ADAMTSL1: variants seen among roughly 807,000 people sequenced by gnomAD.
ADAMTSL1 encodes ADAMTS-like protein 1.
A neutral mutation model predicts 201.8 loss-of-function variants in ADAMTSL1; 126 were observed. The ratio of observed to expected loss-of-function variants is 0.62; its 90% CI spans 0.54 to 0.72. The LOEUF (loss-of-function observed/expected upper bound fraction) is 0.72. ADAMTSL1 is among the 30% of genes least tolerant of loss of function. The pLI is 0.00. For missense variants in ADAMTSL1, 2,679 were observed against 2,277.8 expected (o/e 1.18, Z -3.59); for synonymous variants, 1,121 against 903.4 (o/e 1.24, Z -4.32).
In ADAMTSL1 at chr9:17,953,459, C is replaced by T. The variant is rs1335800981; in HGVS notation, c.87+46537C>T. Among the ~76,000 whole-genome samples the T allele has an allele frequency of 5.3e-5, 8 of 152,264 alleles. No homozygotes were observed. In the East Asian group the frequency reaches 1.2e-3, roughly 22 times the overall value. ...CAAAGTGCTTTTGACCCAGAAATTTCATTTGTGGTAATTTGTCCTACAGAT... is the reference window on the plus strand; with the variant it reads ...CAAAGTGCTTTTGACCCAGAAATTTTATTTGTGGTAATTTGTCCTACAGAT... On this transcript the variant is annotated intron_variant, in intron 1 of 29. Transcript: ENST00000680146.
intron 1 of ADAMTSL1, among the ~76,000 whole-genome samples, chr9:17,927,439 C>T (rs1034150810): frequency 4.6e-5 from 7 of 151,562 alleles, no homozygotes; most frequent in African/African-American, 1.5e-4. Flanking sequence ...CATATATGTA[C>T]ATATATACAT....
rs1158026987 is a variant in ADAMTSL1 at position 18,753,338 on chromosome 9, G to T, written c.2047G>T (p.Gly683Trp). 1 of 1,612,462 alleles carries T rather than the reference G, an allele frequency of 6.2e-7. No individual in the cohort carries two copies. Among genetic ancestry groups the T allele is most frequent in the Non-Finnish European group, 8.5e-7 (1 of 1,179,378 alleles). The stretch of plus-strand genomic sequence containing the variant: ...GTGGAGTCCATGTAGTCTCACATGT[G>T]GGGTCGGCCTACAGACCAGAGACGT... ...GKWSPCSLTC[G>W]VGLQTRDVFC... The change falls in exon 16 of 29, where the codon GGG becomes TGG. Residue 683 changes from glycine to tryptophan, a missense_variant. Gly to Trp is a radical substitution (Grantham distance 184). Coordinates refer to ENST00000380548, the MANE Select transcript of ADAMTSL1 (RefSeq NM_001040272.6).
chr9:18,865,653 A>G (rs946718498), intron 23 of ADAMTSL1, among the ~76,000 whole-genome samples: 2 of 152,226 alleles, frequency 1.3e-5, no homozygotes, highest in Admixed American at 1.3e-4. Context: ...ACATATGTGA[A>G]TCACACCTGG....
At chr9:18,458,919 C>T (rs1820707753) in intron 2 of ADAMTSL1, among the ~76,000 whole-genome samples, 1 of 152,094 alleles carries the variant, frequency 6.6e-6, no homozygotes, top group African/African-American at 2.4e-5. Flanking sequence ...AGTCCTGTTC[C>T]CTTATCAACA....
rs147778017 is a variant in ADAMTSL1 at position 18,850,459 on chromosome 9, G to A, written c.4249+20482G>A. Among the ~76,000 whole-genome samples, 881 of 152,342 alleles carry A rather than the reference G, an allele frequency of 5.8e-3. 9 individuals are homozygous for A. The highest frequency in any genetic ancestry group is 0.02 in the African/African-American group (849 of 41,582). ...ACAGCACTATCAGAGCCCAGAGGCTGACTGTAGAAGAGAGGGCAGGATTAT... is the reference window on the plus strand; with the variant it reads ...ACAGCACTATCAGAGCCCAGAGGCTAACTGTAGAAGAGAGGGCAGGATTAT... On this transcript the variant is annotated intron_variant, in intron 23 of 28. Transcript: ENST00000380548.
intron 10 of ADAMTSL1, among the ~76,000 whole-genome samples, chr9:18,676,552 GT>G (rs1830142130): frequency 6.6e-6 from 1 of 151,998 alleles, no homozygotes; most frequent in Non-Finnish European, 1.5e-5. Flanking sequence ...AAAAGAAAGT[GT>G]TCCCTTTATA....
chr9:18,377,317 C>A (rs565617956), intron 2 of ADAMTSL1, among the ~76,000 whole-genome samples: 1 of 152,284 alleles, frequency 6.6e-6, no homozygotes, highest in Admixed American at 6.5e-5. Context: ...TAGTGTCTGG[C>A]TATAGTAGGC....
chr9:18,125,322 A>T (rs201551999), intron 1 of ADAMTSL1, among the ~76,000 whole-genome samples: 21 of 152,000 alleles, frequency 1.4e-4, no homozygotes, highest in Non-Finnish European at 2.4e-4. Context: ...GGAAAGACCC[A>T]CCCCCATAAT....
intron 2 of ADAMTSL1, among the ~76,000 whole-genome samples, chr9:18,306,142 G>T (rs147531978): frequency 6.6e-6 from 1 of 152,108 alleles, no homozygotes; most frequent in Admixed American, 6.5e-5. Context: ...AAGGAATAGC[G>T]TCAACATCAA....
chr9:18,059,377 T>A (rs934706262), intron 1 of ADAMTSL1, among the ~76,000 whole-genome samples: 7 of 152,196 alleles, frequency 4.6e-5, no homozygotes, highest in Non-Finnish European at 8.8e-5. Flanking sequence ...TTTTTGATAA[T>A]TTCATGTCAT....
chr9:18,120,410 A>G (rs1825447619), intron 1 of ADAMTSL1, among the ~76,000 whole-genome samples: 1 of 152,168 alleles, frequency 6.6e-6, no homozygotes, highest in East Asian at 1.9e-4. Flanking sequence ...GTACAATACA[A>G]GAGGGGAATG....
At chr9:18,663,024 T>C (rs1011793280) in intron 9 of ADAMTSL1, among the ~76,000 whole-genome samples, 1 of 152,192 alleles carries the variant, frequency 6.6e-6, no homozygotes, top group African/African-American at 2.4e-5. Context: ...ACTATACTGA[T>C]GATGTATGCA....
At chr9:18,447,048 C>G (rs527593259) in intron 2 of ADAMTSL1, among the ~76,000 whole-genome samples, 1 of 152,110 alleles carries the variant, frequency 6.6e-6, no homozygotes, top group South Asian at 2.1e-4. Flanking sequence ...CACACAATCA[C>G]TATGTGGGTT....
intron 2 of ADAMTSL1, among the ~76,000 whole-genome samples, chr9:18,298,865 G>T (rs989313669): frequency 6.6e-6 from 1 of 151,850 alleles, no homozygotes; most frequent in Non-Finnish European, 1.5e-5. Context: ...CAAAAAATCA[G>T]CCGGTCGTGG....
intron 1 of ADAMTSL1, among the ~76,000 whole-genome samples, chr9:17,958,904 T>C (rs1563919495): frequency 1.3e-5 from 2 of 152,194 alleles, no homozygotes; most frequent in African/African-American, 4.8e-5. Context: ...CATTTGGGTA[T>C]TAATGCTGTC....
chr9:18,541,760 A>G (rs559317664), intron 3 of ADAMTSL1, among the ~76,000 whole-genome samples: 1 of 152,332 alleles, frequency 6.6e-6, no homozygotes, highest in South Asian at 2.1e-4. Flanking sequence ...ACAAACAGAA[A>G]ATGTTAATAC....
At chr9:18,434,934 C>A (rs188152507) in intron 2 of ADAMTSL1, among the ~76,000 whole-genome samples, 83 of 152,306 alleles carry the variant, frequency 5.4e-4, no homozygotes, top group African/African-American at 1.9e-3. Flanking sequence ...AGACTGGGAA[C>A]TCCATGAAGA....
chr9:18,087,535 T>C (rs574218009), intron 1 of ADAMTSL1, among the ~76,000 whole-genome samples: 14 of 152,256 alleles, frequency 9.2e-5, no homozygotes, highest in African/African-American at 2.9e-4. Flanking sequence ...TACTTTCTTA[T>C]TAATAGATCT....
intron 2 of ADAMTSL1, among the ~76,000 whole-genome samples, chr9:18,440,017 C>T (rs1330232222): frequency 1.3e-5 from 2 of 152,206 alleles, no homozygotes; most frequent in South Asian, 2.1e-4. Context: ...TTTAAATCTT[C>T]CTCAAACACC....
Sources: gnomAD v4.1 joint callset for allele counts (sites outside exome capture counted in the v4.1 genomes callset) on GRCh38, gnomAD v4.1.1 for gene constraint, MANE v1.5 for transcripts, NCBI Gene and HGNC (gene_info 2026-07-23, HGNC 2026-07-21) for gene names.